GALNTL6: variants seen among roughly 807,000 people sequenced by gnomAD.
GALNTL6 encodes polypeptide N-acetylgalactosaminyltransferase-like 6.
A neutral mutation model predicts 73.7 loss-of-function variants in GALNTL6; 46 were observed. The observed-to-expected ratio is 0.62, with a 90% CI of 0.49 to 0.80. GALNTL6 has a LOEUF of 0.80. Ranked by LOEUF, GALNTL6 falls within the 30% of genes least tolerant of loss-of-function variation. The probability of loss-of-function intolerance (pLI) is 0.00; values close to 1 mark genes in which losing one functional copy is unlikely to be tolerated. For missense variants in GALNTL6, 604 were observed against 755.0 expected, an observed-to-expected ratio of 0.80 and a Z score of 2.34; for synonymous variants, 259 against 263.7, an observed-to-expected ratio of 0.98 and a Z score of 0.17.
chr4:172,172,884 A>G (rs544211154), intron 2 of GALNTL6, among the ~76,000 whole-genome samples: 1 of 152,230 alleles, frequency 6.6e-6, no homozygotes, highest in Non-Finnish European at 1.5e-5. Flanking sequence ...ATTGTTTTTA[A>G]TAAGCAATGT....
intron 5 of GALNTL6, among the ~76,000 whole-genome samples, chr4:172,736,836 G>T (rs1353084639): frequency 1.3e-5 from 2 of 152,118 alleles, no homozygotes; most frequent in Admixed American, 6.5e-5. Flanking sequence ...CGCAATAGTG[G>T]GTCTTTCCAA....
At chr4:172,802,507 A>G (rs540414975) in intron 5 of GALNTL6, among the ~76,000 whole-genome samples, 2 of 152,226 alleles carry the variant, frequency 1.3e-5, no homozygotes, top group African/African-American at 4.8e-5. Context: ...AGGAGACAAG[A>G]TAAGGGGGCC....
At chr4:172,225,650 G>C (rs1736833229) in intron 2 of GALNTL6, among the ~76,000 whole-genome samples, 1 of 152,104 alleles carries the variant, frequency 6.6e-6, no homozygotes, top group Admixed American at 6.5e-5. Context: ...AGCTTACTTG[G>C]ATGGCTGAGG....
chr4:172,762,613 C>G (rs1376884797), intron 5 of GALNTL6, among the ~76,000 whole-genome samples: 1 of 152,028 alleles, frequency 6.6e-6, no homozygotes, highest in African/African-American at 2.4e-5. Context: ...TTTTCTTTAA[C>G]ATGATATTCT....
chr4:172,830,897 C>T (rs532503651), intron 7 of GALNTL6, among the ~76,000 whole-genome samples: 77 of 152,108 alleles, frequency 5.1e-4, no homozygotes, highest in Non-Finnish European at 1.0e-3. Context: ...CAGTAGCGCA[C>T]GCCTGTAATC....
chr4:172,478,404 A>G (rs901487115), intron 5 of GALNTL6, among the ~76,000 whole-genome samples: 1 of 152,192 alleles, frequency 6.6e-6, no homozygotes, highest in African/African-American at 2.4e-5. Flanking sequence ...CAAAACATGC[A>G]CTAGGGAAAG....
intron 5 of GALNTL6, among the ~76,000 whole-genome samples, chr4:172,732,570 G>T (rs1219261954): frequency 1.3e-5 from 2 of 152,026 alleles, no homozygotes; most frequent in Non-Finnish European, 2.9e-5. Flanking sequence ...TTCGTTGCTT[G>T]TTTTTTGGTG....
intron 5 of GALNTL6, among the ~76,000 whole-genome samples, chr4:172,496,114 G>A (rs550996954): frequency 2.0e-5 from 3 of 152,082 alleles, no homozygotes; most frequent in African/African-American, 4.8e-5. Context: ...GCATTTTTTA[G>A]ACTGATTTTT....
chr4:172,494,149 G>A (rs1482256628), intron 5 of GALNTL6, among the ~76,000 whole-genome samples: 1 of 152,094 alleles, frequency 6.6e-6, no homozygotes, highest in Non-Finnish European at 1.5e-5. Context: ...AAAGAAGTGG[G>A]CAACCAAAAT....
intron 2 of GALNTL6, among the ~76,000 whole-genome samples, chr4:172,082,841 T>C (rs1029306402): frequency 2.0e-5 from 3 of 152,124 alleles, no homozygotes; most frequent in Admixed American, 6.6e-5. Context: ...TGAGCATTGG[T>C]GGTGCTTTAA....
intron 2 of GALNTL6, among the ~76,000 whole-genome samples, chr4:172,183,180 C>T (rs1462381904): frequency 6.6e-6 from 1 of 152,130 alleles, no homozygotes; most frequent in Non-Finnish European, 1.5e-5. Context: ...TCAAATAAAA[C>T]TAGGATTGCT....
At position 172,004,019 on chromosome 4, in the gene GALNTL6, T is replaced by A. The variant is rs1215708727; in HGVS notation, c.138+189301T>A. Among the ~76,000 whole-genome samples, 3 of 152,278 alleles carry A rather than the reference T, an allele frequency of 2.0e-5. No individual in the cohort carries two copies. In the East Asian group the frequency reaches 5.8e-4, roughly 29 times the overall value. On this transcript the variant is annotated intron_variant, in intron 2 of 12. Coordinates refer to ENST00000506823, the MANE Select transcript of GALNTL6 (RefSeq NM_001034845.3). ...ATATGAATCAAGTTTTCATAAATCG[T>A]TATCACTTGTGGAACTCTTTCCAGA...
chr4:173,023,539 C>G (rs1353905854), intron 12 of GALNTL6, among the ~76,000 whole-genome samples: 1 of 152,114 alleles, frequency 6.6e-6, no homozygotes, highest in Non-Finnish European at 1.5e-5. Context: ...TGCCTATAGT[C>G]CCAGCTACTC....
At chr4:172,720,680 TCAAA>T (rs1366412350) in intron 5 of GALNTL6, among the ~76,000 whole-genome samples, 2 of 152,252 alleles carry the variant, frequency 1.3e-5, no homozygotes, top group African/African-American at 4.8e-5. Flanking sequence ...AATTTTTTAA[TCAAA>T]CTAATTAGGG....
intron 2 of GALNTL6, chr4:171,815,694 T>C (rs1734507577): frequency 6.6e-6 from 1 of 152,238 alleles, no homozygotes; most frequent in African/African-American, 2.4e-5. Flanking sequence ...CCATGAACAC[T>C]CTGTACCTTC....
At chr4:172,717,219 C>T (rs1020958549) in intron 5 of GALNTL6, among the ~76,000 whole-genome samples, 3 of 152,148 alleles carry the variant, frequency 2.0e-5, no homozygotes, top group Non-Finnish European at 4.4e-5. Flanking sequence ...AACACAACTT[C>T]TGAAATACTC....
chr4:173,028,427 T>C (rs1364888857), intron 12 of GALNTL6, among the ~76,000 whole-genome samples: 1 of 152,186 alleles, frequency 6.6e-6, no homozygotes, highest in Non-Finnish European at 1.5e-5. Context: ...TTTTACTTTC[T>C]TTCTTTAATC....
At chr4:172,673,944 T>G (rs888095523) in intron 5 of GALNTL6, among the ~76,000 whole-genome samples, 11 of 152,192 alleles carry the variant, frequency 7.2e-5, no homozygotes, top group African/African-American at 2.4e-4. Context: ...GTCTTTTAAT[T>G]GGGGGCATTT....
rs892778008 is a variant in GALNTL6 at position 172,883,820 on chromosome 4, C to A, written c.1041+913C>A. Reference sequence around the variant, plus strand: ...CCCTTCTATTCCCAGCCTCTGGTAACCACCAATCTACCTTCTACCTCCATT... The same window carrying A: ...CCCTTCTATTCCCAGCCTCTGGTAAACACCAATCTACCTTCTACCTCCATT... On this transcript the variant is annotated intron_variant, in intron 8 of 12. Transcript: ENST00000506823. Among the ~76,000 whole-genome samples, 3 of 151,196 alleles carry A rather than the reference C, an allele frequency of 2.0e-5. No individual in the cohort carries two copies. In the East Asian group the frequency reaches 5.8e-4, roughly 29 times the overall value.
Sources: allele counts gnomAD v4.1 joint callset (sites outside exome capture counted in the v4.1 genomes callset), GRCh38; gene constraint gnomAD v4.1.1; transcripts MANE v1.5; gene names NCBI Gene and HGNC (gene_info 2026-07-23, HGNC 2026-07-21).